The following CACNA2D4 variants were observed in gnomAD, a reference collection of about 807,000 sequenced individuals.
CACNA2D4 encodes the protein voltage-dependent calcium channel subunit alpha-2/delta-4.
A neutral mutation model predicts 163.8 loss-of-function variants in CACNA2D4; 157 were observed. The ratio of observed to expected loss-of-function variants is 0.96; its 90% CI spans 0.84 to 1.09. The LOEUF (loss-of-function observed/expected upper bound fraction) is 1.09, where lower values mean the gene tolerates loss of function less well. Among genes scored for constraint, CACNA2D4 ranks in the 50% least tolerant of loss-of-function variants. The pLI is 0.00. For synonymous variants in CACNA2D4, 598 were observed against 586.9 expected, an observed-to-expected ratio of 1.02 and a Z score of -0.27; for missense variants, 1,410 against 1,479.9, an observed-to-expected ratio of 0.95 and a Z score of 0.78.
At chr12:1,916,559 C>T (rs925261379) in intron 1 of CACNA2D4, among the ~76,000 whole-genome samples, 7 of 87,150 alleles carry the variant, frequency 8.0e-5, no homozygotes, top group Non-Finnish European at 1.1e-4. Flanking sequence ...GCACCCCCCA[C>T]CTCCGGGGCA....
rs967339647 is a variant in CACNA2D4, at chr12:1,806,477, G to A, written c.2721+3801C>T. Reference sequence around the variant, plus strand: ...TGTGGTTTCCCCACTCACTGACTACGGGGAGGAGGGTGTGCAAGGACTTTG... The same window carrying A: ...TGTGGTTTCCCCACTCACTGACTACAGGGAGGAGGGTGTGCAAGGACTTTG... On this transcript the variant is annotated intron_variant, in intron 29 of 37. Transcript: ENST00000382722. The surrounding 1 kb of genome is among the most constrained non-coding windows in gnomAD (Gnocchi z 4.1). 6.6e-6 allele frequency among the ~76,000 whole-genome samples: 1 copy of A among 152,208 alleles called. No homozygotes were observed. Among genetic ancestry groups the A allele is most frequent in the African/African-American group, 2.4e-5 (1 of 41,452 alleles).
In CACNA2D4 at chr12:1,806,084, G is replaced by A. The variant is rs1863527844; in HGVS notation, c.2721+4194C>T. On this transcript the variant is annotated intron_variant, in intron 29 of 37. Transcript: ENST00000382722. The surrounding 1 kb of genome is among the most constrained non-coding windows in gnomAD (Gnocchi z 4.1). ...AGAGATCCAGGTCCCTCAGGGAAAG[G>A]TGCTGGGATGGGGCCTCGGATTTTC... Among the ~76,000 whole-genome samples the A allele has an allele frequency of 6.6e-6, 1 of 152,224 alleles. No individual in the cohort carries two copies. Among genetic ancestry groups the A allele is most frequent in the African/African-American group, 2.4e-5 (1 of 41,458 alleles).
At chr12:1,813,993 A>T (rs1863799292) in intron 26 of CACNA2D4, among the ~76,000 whole-genome samples, 1 of 152,120 alleles carries the variant, frequency 6.6e-6, no homozygotes, top group Non-Finnish European at 1.5e-5. Flanking sequence ...TTCATTTTAG[A>T]CAGATTTCTT....
intron 3 of CACNA2D4, among the ~76,000 whole-genome samples, chr12:1,910,920 A>G (rs1173608883): frequency 6.6e-6 from 1 of 152,098 alleles, no homozygotes; most frequent in Non-Finnish European, 1.5e-5. Context: ...TTGGAACTAG[A>G]TGATGGAGAT....
intron 1 of CACNA2D4, 78 bp downstream of exon 1, chr12:1,918,169 G>C (rs2154454063): frequency 9.3e-7 from 1 of 1,077,810 alleles, no homozygotes; most frequent in South Asian, 1.4e-5. Flanking sequence ...GGAGTGGGCA[G>C]AGGATGGAGG....
intron 26 of CACNA2D4, among the ~76,000 whole-genome samples, chr12:1,824,272 T>TA (rs1168792045): frequency 2.0e-5 from 3 of 152,206 alleles, no homozygotes; most frequent in Non-Finnish European, 4.4e-5. Flanking sequence ...GGGATCTTGT[T>TA]AAAATGCGGA....
intron 26 of CACNA2D4, among the ~76,000 whole-genome samples, chr12:1,837,254 G>T (rs1368540934): frequency 2.0e-5 from 3 of 152,234 alleles, no homozygotes; most frequent in Non-Finnish European, 4.4e-5. Flanking sequence ...AGTTGGAGGG[G>T]CCTCGGCTGA....
intron 23 of CACNA2D4, 43 bp from the exon 24 acceptor site, chr12:1,846,732 G>T: frequency 2.0e-6 from 3 of 1,501,458 alleles, no homozygotes. Flanking sequence ...CATGGCTGTG[G>T]CAAGAGCTTG....
intron 6 of CACNA2D4, among the ~76,000 whole-genome samples, chr12:1,900,043 A>G (rs959856295): frequency 6.6e-6 from 1 of 151,868 alleles, no homozygotes; most frequent in African/African-American, 2.4e-5. Flanking sequence ...AGCTAATAAC[A>G]TATAAAGAAA....
intron 6 of CACNA2D4, among the ~76,000 whole-genome samples, chr12:1,905,691 G>A (rs1241229154): frequency 6.6e-6 from 1 of 152,162 alleles, no homozygotes; most frequent in Non-Finnish European, 1.5e-5. Flanking sequence ...ACTGCTGAAA[G>A]AAATTAAGGA....
intron 16 of CACNA2D4, among the ~76,000 whole-genome samples, chr12:1,876,225 C>T (rs1865877267): frequency 6.6e-6 from 1 of 152,202 alleles, no homozygotes; most frequent in South Asian, 2.1e-4. Context: ...ACCTTCCAGA[C>T]TTTATGGCAT....
At chr12:1,831,182 C>G in intron 26 of CACNA2D4, 1 of 1,613,928 alleles carries the variant, frequency 6.2e-7, no homozygotes, top group Non-Finnish European at 8.5e-7. Context: ...ACTTCCTGGA[C>G]CGGCTGCCCC....
chr12:1,813,334 T>C (rs1863770501), intron 26 of CACNA2D4, among the ~76,000 whole-genome samples: 1 of 151,652 alleles, frequency 6.6e-6, no homozygotes, highest in East Asian at 1.9e-4. Flanking sequence ...TTCCCAGGGG[T>C]TGCCGATGCT....
At chr12:1,797,784 G>T in intron 34 of CACNA2D4, 2 of 562,454 alleles carry the variant, frequency 3.6e-6, no homozygotes, top group Non-Finnish European at 6.4e-6. Context: ...GAGGGAAAGC[G>T]CTTCCTCTGG....
At chr12:1,887,838 G>A (rs771834841) in intron 6 of CACNA2D4, among the ~76,000 whole-genome samples, 1 of 152,186 alleles carries the variant, frequency 6.6e-6, no homozygotes, top group African/African-American at 2.4e-5. Flanking sequence ...TGTTGTGATT[G>A]GGATAGACAA....
At chr12:1,839,586 G>A (rs1311956351) in intron 26 of CACNA2D4, among the ~76,000 whole-genome samples, 2 of 152,212 alleles carry the variant, frequency 1.3e-5, no homozygotes, top group Non-Finnish European at 2.9e-5. Flanking sequence ...TAAGTTTTCT[G>A]TGTCTCAGTC....
chr12:1,885,061 C>G lies in CACNA2D4; in HGVS notation c.1084G>C (p.Val362Leu), dbSNP rs1866103032. ...RDNREHFKLL[V>L]EELMVKGVGV... The stretch of plus-strand genomic sequence containing the variant: ...ACACCTTTGACCATCAACTCCTCCA[C>G]CAGCAGTTTGAAATGCTGCCATGGG... The change falls in exon 10 of 38, where the codon GTG becomes CTG. Residue 362 changes from valine to leucine, a missense_variant. Val to Leu is a conservative substitution (Grantham distance 32). Transcript: ENST00000382722. 6.2e-7 allele frequency: 1 copy of G among 1,613,908 alleles called. No homozygotes were observed. The highest frequency in any genetic ancestry group is 8.5e-7 in the Non-Finnish European group (1 of 1,179,816).
chr12:1,831,853 A>G (rs1327027583), intron 26 of CACNA2D4, among the ~76,000 whole-genome samples: 1 of 150,248 alleles, frequency 6.7e-6, no homozygotes, highest in Middle Eastern at 3.2e-3. Context: ...ACATAAGGGC[A>G]GTAAAGACAC....
rs572995148 is a variant in CACNA2D4, at chr12:1,802,949, G to A, written c.2722-1305C>T. Among the ~76,000 whole-genome samples, 4 of 152,340 alleles carry A rather than the reference G, an allele frequency of 2.6e-5. No individual in the cohort carries two copies. Among genetic ancestry groups the A allele is most frequent in the African/African-American group, 9.6e-5 (4 of 41,578 alleles). ...CTTACTCATCTCTGAATTCCCCAAA[G>A]TGTCTTGGTACCTGGACATACTCAG... On this transcript the variant is annotated intron_variant, in intron 29 of 37. Transcript: ENST00000382722. This position sits in a 1 kb window ranked among gnomAD's most constrained non-coding sequence, Gnocchi z 4.7.
Sources: allele counts gnomAD v4.1 joint callset (sites outside exome capture counted in the v4.1 genomes callset), GRCh38; gene constraint gnomAD v4.1.1; non-coding constraint Gnocchi (gnomAD v3.1); transcripts MANE v1.5; gene names NCBI Gene and HGNC (gene_info 2026-07-23, HGNC 2026-07-21).